DCAF12: variants seen among roughly 807,000 people sequenced by gnomAD.
DCAF12 encodes DDB1- and CUL4-associated factor 12.
A neutral mutation model predicts 52.8 loss-of-function variants in DCAF12; 28 were observed. The observed-to-expected ratio is 0.53, with a 90% CI of 0.39 to 0.73. The LOEUF is 0.73. Ranked by LOEUF, DCAF12 falls within the 30% of genes least tolerant of loss-of-function variation. DCAF12 has a pLI of 0.00. For missense variants in DCAF12, 425 were observed against 552.2 expected, an observed-to-expected ratio of 0.77 and a Z score of 2.31; for synonymous variants, 196 against 215.5, an observed-to-expected ratio of 0.91 and a Z score of 0.79.
rs1463679582 is a variant in DCAF12 at position 34,087,064 on chromosome 9, G to A, written c.*1286C>T. The stretch of plus-strand genomic sequence containing the variant: ...TTAAAAACCTCAGACTAAACAGACA[G>A]TTCAAGGGAGGAACAGACAAATTAC... On this transcript the variant is annotated 3_prime_UTR_variant, in exon 9 of 9. Transcript: ENST00000361264. 1 of 152,204 alleles carries A rather than the reference G, an allele frequency of 6.6e-6. No individual in the cohort carries two copies. The highest frequency in any genetic ancestry group is 1.5e-5 in the Non-Finnish European group (1 of 68,036). 9.4% of individuals were successfully genotyped at this position (152,204 alleles called of 1,614,324 possible).
At chr9:34,094,884 A>G (rs1376357230) in intron 6 of DCAF12, among the ~76,000 whole-genome samples, 1 of 152,108 alleles carries the variant, frequency 6.6e-6, no homozygotes, top group Non-Finnish European at 1.5e-5. Flanking sequence ...ATGGCACCCA[A>G]GTCTAACCAC....
rs1026510436 is a variant in DCAF12, at chr9:34,126,692, C to T, written c.-261G>A. On this transcript the variant is annotated 5_prime_UTR_variant, in exon 1 of 9. Coordinates refer to ENST00000361264, the MANE Select transcript of DCAF12 (RefSeq NM_015397.4). ...CAGAGCCTGCAAGGACGGCGAGCGG[C>T]TAGAACCAAAACACCCCCTCCCCCT... The T allele has an allele frequency of 7.2e-6, 4 of 556,498 alleles. No individual in the cohort carries two copies. The highest frequency in any genetic ancestry group is 6.8e-5 in the Admixed American group (2 of 29,588). 34.5% of individuals were successfully genotyped at this position (556,498 alleles called of 1,614,324 possible).
chr9:34,087,292 A>G lies in DCAF12; in HGVS notation c.*1058T>C, dbSNP rs1828573034. On this transcript the variant is annotated 3_prime_UTR_variant, in exon 9 of 9. Coordinates refer to ENST00000361264, the MANE Select transcript of DCAF12 (RefSeq NM_015397.4). Reference sequence around the variant, plus strand: ...CCCCCACCTTCTTAGACTTAACCCAATTTAGAAAATAATAGCAAAACCCAC... The same window carrying G: ...CCCCCACCTTCTTAGACTTAACCCAGTTTAGAAAATAATAGCAAAACCCAC... 1 of 152,374 alleles carries G rather than the reference A, an allele frequency of 6.6e-6. No individual in the cohort carries two copies. The highest frequency in any genetic ancestry group is 6.5e-5 in the Admixed American group (1 of 15,276). 9.4% of individuals were successfully genotyped at this position (152,374 alleles called of 1,614,324 possible). A position where few individuals can be genotyped will look rare whatever the true frequency, so the allele number is the denominator to read the frequency against.
At chr9:34,094,669 T>C (rs898438031) in intron 6 of DCAF12, among the ~76,000 whole-genome samples, 11 of 151,650 alleles carry the variant, frequency 7.3e-5, no homozygotes, top group African/African-American at 2.7e-4. Flanking sequence ...TAGCTGGGAC[T>C]ACAAGCGCCC....
At chr9:34,102,586 G>A (rs1828846028) in intron 4 of DCAF12, among the ~76,000 whole-genome samples, 1 of 151,978 alleles carries the variant, frequency 6.6e-6, no homozygotes, top group African/African-American at 2.4e-5. Flanking sequence ...CCAGGAGACG[G>A]AGGTTGCAGT....
Position 34,102,074 on chromosome 9 carries a change from T to G in DCAF12, c.602-3557A>C, listed in dbSNP as rs956590212. Among the ~76,000 whole-genome samples, 7 of 150,718 alleles carry G rather than the reference T, an allele frequency of 4.6e-5. No individual in the cohort carries two copies. The South Asian group carries it at 8.4e-4, about 18-fold the overall frequency. On this transcript the variant is annotated intron_variant, in intron 4 of 8. Transcript: ENST00000361264. ...TAGGCTGGGTACAGTGGTATATGCC[T>G]TTAATCCCAGCACTCTGGGAGACCG... is the stretch of plus-strand genomic sequence containing the variant.
intron 4 of DCAF12, among the ~76,000 whole-genome samples, chr9:34,103,095 CAAAAA>C (rs34456166): frequency 0.017 from 1,673 of 100,202 alleles, 19 homozygotes; most frequent in Non-Finnish European, 0.02. Context: ...ACCTTAACTC[CAAAAA>C]AAAAAAAAAA....
chr9:34,114,636 G>C (rs960226291), intron 2 of DCAF12, among the ~76,000 whole-genome samples: 3 of 152,212 alleles, frequency 2.0e-5, no homozygotes, highest in Admixed American at 2.0e-4. Flanking sequence ...AACCTACTGG[G>C]ATCCCTGCCA....
chr9:34,105,842 G>A (rs768296008), intron 4 of DCAF12, among the ~76,000 whole-genome samples: 4 of 150,724 alleles, frequency 2.7e-5, no homozygotes, highest in Non-Finnish European at 5.9e-5. Flanking sequence ...TCTGCCTGCC[G>A]GGTTCAAGCA....
chr9:34,125,089 A>C lies in DCAF12; in HGVS notation c.267T>G (p.Leu89=). 1.9e-6 allele frequency: 3 copies of C among 1,614,066 alleles called. No individual in the cohort carries two copies. The highest frequency in any genetic ancestry group is 2.5e-6 in the Non-Finnish European group (3 of 1,180,010). The part of the protein sequence containing the change: ...LKEREFHLGT[L]NKVFASQWLN... ...ACCACTGAGATGCAAACACTTTATT[A>C]AGGGTCCCAAGGTGAAACTCTCTCT... Residue 89 remains leucine, a synonymous_variant, in exon 2 of 9, where the codon CTT becomes CTG. Coordinates refer to ENST00000361264, the MANE Select transcript of DCAF12 (RefSeq NM_015397.4).
chr9:34,124,112 T>C (rs566002003), intron 2 of DCAF12, among the ~76,000 whole-genome samples: 4 of 152,346 alleles, frequency 2.6e-5, no homozygotes, highest in African/African-American at 9.6e-5. Flanking sequence ...ACACTTCTCC[T>C]AGTACTTAAG....
Position 34,096,717 on chromosome 9 carries a change from T to A in DCAF12, c.860A>T (p.Lys287Met). The change falls in exon 6 of 9, where the codon AAG (lysine) becomes ATG (methionine). Residue 287 changes from lysine to methionine, a missense_variant and splice_region_variant. Transcript: ENST00000361264. ...ACCACAAAATCATGTTCATCACACCTTAGATAGTGTATTTTCAGCCTTCCA... is the reference window on the plus strand; with the variant it reads ...ACCACAAAATCATGTTCATCACACCATAGATAGTGTATTTTCAGCCTTCCA... Reference protein sequence around the residue: ...HLWKAENTLSKLLSTKLPYCR... With the variant: ...HLWKAENTLSMLLSTKLPYCR... 2 of 1,613,672 alleles carry A rather than the reference T, an allele frequency of 1.2e-6. No homozygotes were observed. The highest frequency in any genetic ancestry group is 1.7e-6 in the Non-Finnish European group (2 of 1,179,642).
At position 34,093,300 on chromosome 9, in the gene DCAF12, C is replaced by G. The variant is rs1433317143; in HGVS notation, c.1010G>C (p.Arg337Thr). Residue 337 changes from arginine (R) to threonine (T), a missense_variant, in exon 7 of 9, where the codon AGG becomes ACG. Physicochemically the swap from Arg to Thr is moderately conservative, Grantham distance 71. Around this residue, in one of 3 missense-constraint regions of DCAF12, gnomAD observed 328 missense variants for 444.4 expected, o/e 0.74. Coordinates refer to ENST00000361264, the MANE Select transcript of DCAF12 (RefSeq NM_015397.4). The part of the protein sequence containing the change: ...PSYNVKSVCS[R>T]ERGSGIRSVS... ...GGGACTCTTACCACTGCCTCGCTCC[C>G]TGGAACAGACAGACTTGACGTTGTA... The G allele has an allele frequency of 6.2e-7, 1 of 1,614,214 alleles. No individual in the cohort carries two copies. The highest frequency in any genetic ancestry group is 1.3e-5 in the African/African-American group (1 of 75,062).
At chr9:34,107,073 C>T (rs1452057842) in intron 3 of DCAF12, among the ~76,000 whole-genome samples, 1 of 152,190 alleles carries the variant, frequency 6.6e-6, no homozygotes, top group African/African-American at 2.4e-5. Context: ...CAAACAACGC[C>T]TAGCCATAGA....
intron 4 of DCAF12, among the ~76,000 whole-genome samples, chr9:34,098,954 G>C (rs1306542221): frequency 6.6e-6 from 1 of 150,944 alleles, no homozygotes; most frequent in Non-Finnish European, 1.5e-5. Flanking sequence ...ATTTTTAGTA[G>C]AGACGGGGTT....
chr9:34,125,364 C>T (rs1829233201), intron 1 of DCAF12, 87 bp from the exon 2 acceptor site: 2 of 1,431,414 alleles, frequency 1.4e-6, no homozygotes, highest in South Asian at 1.3e-5. Flanking sequence ...CAACTCATAA[C>T]TCATACTGCA....
intron 2 of DCAF12, among the ~76,000 whole-genome samples, chr9:34,120,669 C>CAA (rs71506167): frequency 0.019 from 2,222 of 116,942 alleles, 63 homozygotes; most frequent in African/African-American, 0.051. Context: ...GACGCGGTCT[C>CAA]AAAAAAAAAA....
At position 34,106,491 on chromosome 9, in the gene DCAF12, C is replaced by T; in HGVS notation, c.544G>A (p.Gly182Arg). The part of the protein sequence containing the change: ...TLDPVCVGDD[G>R]HKDWIFSIAW... ...ATGGAAAAGATCCAGTCCTTGTGTC[C>T]ATCCTTGGAGAGCAGGGAGTAACAG... is the stretch of plus-strand genomic sequence containing the variant. The change falls in exon 4 of 9, where the codon GGA becomes AGA. Residue 182 changes from glycine to arginine, a missense_variant. By Grantham distance (125) the Gly-to-Arg change is moderately radical (BLOSUM62 -2). Coordinates refer to ENST00000361264, the MANE Select transcript of DCAF12 (RefSeq NM_015397.4). 6.2e-7 allele frequency: 1 copy of T among 1,609,918 alleles called. No individual in the cohort carries two copies.
At chr9:34,104,557 G>C (rs946228648) in intron 4 of DCAF12, among the ~76,000 whole-genome samples, 4 of 152,176 alleles carry the variant, frequency 2.6e-5, no homozygotes, top group African/African-American at 9.7e-5. Context: ...TGTTTCAGAA[G>C]ATTACTTTGT....
Sources: gnomAD v4.1 joint callset for allele counts (sites outside exome capture counted in the v4.1 genomes callset) on GRCh38, gnomAD v4.1.1 for gene constraint, gnomAD v4.1.1 regional missense constraint, MANE v1.5 for transcripts, NCBI Gene and HGNC (gene_info 2026-07-23, HGNC 2026-07-21) for gene names.